The following GANAB variants were observed in gnomAD, a reference collection of about 807,000 sequenced individuals.
GANAB encodes neutral alpha-glucosidase AB.
In GANAB, 35 loss-of-function variants were observed where a neutral mutation model predicts 129.9. That is an observed-to-expected ratio of 0.27 (90% CI 0.21 to 0.36). GANAB has a LOEUF of 0.36. Among genes scored for constraint, GANAB ranks in the 10% least tolerant of loss-of-function variants. The pLI is 1.00. For missense variants in GANAB, 939 were observed against 1,221.0 expected (o/e 0.77, Z 3.44); for synonymous variants, 482 against 451.8 (o/e 1.07, Z -0.85).
At chr11:62,633,319 T>C (rs1400867580) in intron 6 of GANAB, 48 bp from the exon 7 acceptor site, 4 of 1,562,790 alleles carry the variant, frequency 2.6e-6, no homozygotes, top group African/African-American at 2.7e-5. Context: ...CAGTTCTCTC[T>C]TTCCCCGCTC....
intron 1 of GANAB, among the ~76,000 whole-genome samples, chr11:62,644,219 C>T (rs1300819962): frequency 2.0e-5 from 3 of 152,098 alleles, no homozygotes; most frequent in African/African-American, 7.2e-5. Flanking sequence ...GCTGGGATTA[C>T]AGGTGTGAGC....
chr11:62,642,872 G>T (rs1375739655), intron 1 of GANAB, among the ~76,000 whole-genome samples: 2 of 152,054 alleles, frequency 1.3e-5, no homozygotes, highest in Non-Finnish European at 2.9e-5. Flanking sequence ...TTCCAGATGG[G>T]AAAATTAAAG....
Position 62,633,241 on chromosome 11 carries a change from C to G in GANAB, c.661G>C (p.Asp221His), listed in dbSNP as rs765645798. Residue 221 changes from aspartate (D) to histidine (H), a missense_variant, in exon 7 of 24, where the codon GAT (aspartate) becomes CAT (histidine). By Grantham distance (81) the Asp-to-His change is moderately conservative (BLOSUM62 -1). This residue lies in a region of GANAB where 321 missense variants were observed against 329.1 expected (regional missense o/e 0.98). Transcript: ENST00000356638. ...GTCTCCTCCCAGGCTCCTGGCTCATCTTTCTCTGCCTTCCCCTGAGTCTCC... is the reference window on the plus strand; with the variant it reads ...GTCTCCTCCCAGGCTCCTGGCTCATGTTTCTCTGCCTTCCCCTGAGTCTCC... ...PEETQGKAEK[D>H]EPGAWEETFK... is the part of the protein sequence containing the mutation. 3.7e-6 allele frequency: 6 copies of G among 1,614,002 alleles called. No homozygotes were observed. The Admixed American group carries it at 5.0e-5, about 13-fold the overall frequency.
In GANAB at chr11:62,633,169, AC is replaced by A. The variant is rs1943770502; in HGVS notation, c.718+14del. On this transcript the variant is annotated intron_variant, in intron 7 of 23. Transcript: ENST00000356638. ...GGAGCCCTGCACCCCAGCCCAAGGA[AC>A]CCGAGCCCCTCACCATACGGCTTGC... is the stretch of plus-strand genomic sequence containing the variant. The A allele has an allele frequency of 6.2e-7, 1 of 1,611,028 alleles. No individual in the cohort carries two copies. The highest frequency in any genetic ancestry group is 8.5e-7 in the Non-Finnish European group (1 of 1,177,436).
Position 62,628,993 on chromosome 11 carries a change from G to T in GANAB, c.1956C>A (p.Phe652Leu), listed in dbSNP as rs1565092530. ...CAAGCAGCTCTGGCTCTGGGTTTTTGAAGAAGCCACCCACATCCGCTGGTA... is the reference window on the plus strand; with the variant it reads ...CAAGCAGCTCTGGCTCTGGGTTTTTTAAGAAGCCACCCACATCCGCTGGTA... ...SFCGADVGGFFKNPEPELLVR... is the reference protein window; with the variant it reads ...SFCGADVGGFLKNPEPELLVR... Residue 652 changes from phenylalanine (F) to leucine (L), a missense_variant, in exon 17 of 24, where the codon TTC (phenylalanine) becomes TTA (leucine). Physicochemically the swap from Phe to Leu is conservative, Grantham distance 22 (BLOSUM62 0). This residue lies in a region of GANAB where 147 missense variants were observed against 282.4 expected (regional missense o/e 0.52). Coordinates refer to ENST00000356638, the MANE Select transcript of GANAB (RefSeq NM_198334.3). The T allele has an allele frequency of 1.2e-6, 2 of 1,613,002 alleles. No individual in the cohort carries two copies. Among genetic ancestry groups the T allele is most frequent in the Admixed American group, 1.7e-5 (1 of 59,986 alleles).
At chr11:62,645,898 T>C (rs1256083314) in intron 1 of GANAB, among the ~76,000 whole-genome samples, 10 of 152,134 alleles carry the variant, frequency 6.6e-5, no homozygotes. Flanking sequence ...GCACTGGTGA[T>C]ATGTTTCGAA....
chr11:62,646,565 C>A lies in GANAB; in HGVS notation c.35G>T (p.Arg12Met). Residue 12 changes from arginine to methionine, a missense_variant, in exon 1 of 24, where the codon AGG (arginine) becomes ATG (methionine). Arg to Met is a moderately conservative substitution (Grantham distance 91). Around this residue, in one of 5 missense-constraint regions of GANAB, gnomAD observed 321 missense variants for 329.1 expected, o/e 0.98. Transcript: ENST00000356638. Reference protein sequence around the residue: ...AAVAAVAARRRRSWASLVLAF... With the variant: ...AAVAAVAARRMRSWASLVLAF... ...CCCCAGATTCCGGGCTCCTCACCGCCTCCTACGCGCCGCCACTGCCGCTAC... is the reference window on the plus strand; with the variant it reads ...CCCCAGATTCCGGGCTCCTCACCGCATCCTACGCGCCGCCACTGCCGCTAC... 6.2e-7 allele frequency: 1 copy of A among 1,613,696 alleles called. No homozygotes were observed. Among genetic ancestry groups the A allele is most frequent in the Non-Finnish European group, 8.5e-7 (1 of 1,179,932 alleles).
chr11:62,629,737 T>C, intron 14 of GANAB, 53 bp from the exon 15 acceptor site: 1 of 1,604,310 alleles, frequency 6.2e-7, no homozygotes. Flanking sequence ...AGCTGTCATC[T>C]GGTGCAAGTT....
chr11:62,631,336 T>C (rs1221248244), intron 9 of GANAB, among the ~76,000 whole-genome samples, 153 bp from the exon 10 acceptor site: 1 of 152,066 alleles, frequency 6.6e-6, no homozygotes, highest in Non-Finnish European at 1.5e-5. Flanking sequence ...TCAGTGAGGC[T>C]TTCCTAGACC....
Position 62,635,015 on chromosome 11 carries a change from A to G in GANAB, c.381-15T>C, listed in dbSNP as rs978141870. On this transcript the variant is annotated splice_polypyrimidine_tract_variant and intron_variant, in intron 4 of 23. Transcript: ENST00000356638. Reference sequence around the variant, plus strand: ...AGACAGAAAGCCTGGGAAACATATCAAAAGAAATATAAGGAAGTACAAAGG... The same window carrying G: ...AGACAGAAAGCCTGGGAAACATATCGAAAGAAATATAAGGAAGTACAAAGG... 1 of 1,598,566 alleles carries G rather than the reference A, an allele frequency of 6.3e-7. No individual in the cohort carries two copies. The highest frequency in any genetic ancestry group is 8.6e-7 in the Non-Finnish European group (1 of 1,167,188).
Position 62,629,560 on chromosome 11 carries a change from T to C in GANAB, c.1834+28A>G, listed in dbSNP as rs761781881. 2.7e-6 allele frequency: 4 copies of C among 1,482,384 alleles called. No homozygotes were observed. The African/African-American group carries it at 5.6e-5, about 21-fold the overall frequency. The allele number at this position is 1,482,384 out of a possible 1,614,324, so 91.8% of individuals were successfully genotyped here. A position where few individuals can be genotyped will look rare whatever the true frequency, so the allele number is the denominator to read the frequency against. On this transcript the variant is annotated intron_variant, in intron 15 of 23. Transcript: ENST00000356638. The stretch of plus-strand genomic sequence containing the variant: ...CTGAGATCTGGCCTTCACACCCTTC[T>C]GCCACAGCTCCATTCTCTAAACCTT...
intron 1 of GANAB, among the ~76,000 whole-genome samples, chr11:62,644,540 G>C (rs953801556): frequency 6.6e-6 from 1 of 151,952 alleles, no homozygotes; most frequent in African/African-American, 2.4e-5. Flanking sequence ...AGGACTGCCT[G>C]AACGCAAGAG....
At chr11:62,638,930 A>T in intron 4 of GANAB, 53 bp downstream of exon 4, 1 of 1,594,752 alleles carries the variant, frequency 6.3e-7, no homozygotes, top group Non-Finnish European at 8.6e-7. Context: ...AAAAAGGTTC[A>T]TCAGGAAGGA....
rs556867025 is a variant in GANAB, at chr11:62,625,292, C to G, written c.*523G>C. ...ACTCCTTTGATCCATTCATCCTGTCCGGGGTAAGGGGTGGTCCCAGTGTAT... is the reference window on the plus strand; with the variant it reads ...ACTCCTTTGATCCATTCATCCTGTCGGGGGTAAGGGGTGGTCCCAGTGTAT... On this transcript the variant is annotated 3_prime_UTR_variant, in exon 24 of 24. Coordinates refer to ENST00000356638, the MANE Select transcript of GANAB (RefSeq NM_198334.3). 16 of 455,726 alleles carry G rather than the reference C, an allele frequency of 3.5e-5. No individual in the cohort carries two copies. The highest frequency in any genetic ancestry group is 3.0e-4 in the African/African-American group (15 of 49,870). The allele number at this position is 455,726 out of a possible 1,614,324, so 28.2% of individuals were successfully genotyped here. A position where few individuals can be genotyped will look rare whatever the true frequency, so the allele number is the denominator to read the frequency against.
Position 62,625,851 on chromosome 11 carries a change from G to C in GANAB, c.2799C>G (p.Ile933Met). 1 of 1,613,304 alleles carries C rather than the reference G, an allele frequency of 6.2e-7. No homozygotes were observed. The highest frequency in any genetic ancestry group is 8.5e-7 in the Non-Finnish European group (1 of 1,179,318). Reference sequence around the variant, plus strand: ...GAATACTCCAATCAGATGCCACATTGATGCCAGGCTTGCGCAGGACCAACA... The same window carrying C: ...GAATACTCCAATCAGATGCCACATTCATGCCAGGCTTGCGCAGGACCAACA... ...TSVLVLRKPG[I>M]NVASDWSIHL... Residue 933 changes from isoleucine (I) to methionine (M), a missense_variant, in exon 24 of 24, where the codon ATC (isoleucine) becomes ATG (methionine). Physicochemically the swap from Ile to Met is conservative, Grantham distance 10. This residue lies in a region of GANAB where 230 missense variants were observed against 259.9 expected (regional missense o/e 0.89). Coordinates refer to ENST00000356638, the MANE Select transcript of GANAB (RefSeq NM_198334.3).
Position 62,646,603 on chromosome 11 carries a change from G to A in GANAB, c.-4C>T, listed in dbSNP as rs777032585. On this transcript the variant is annotated 5_prime_UTR_variant, in exon 1 of 24. Coordinates refer to ENST00000356638, the MANE Select transcript of GANAB (RefSeq NM_198334.3). ...CCACTGCCGCTACCGCCGCCATCTTGTGCAGAGTTTGCTCCTTGACCCCAA... is the reference window on the plus strand; with the variant it reads ...CCACTGCCGCTACCGCCGCCATCTTATGCAGAGTTTGCTCCTTGACCCCAA... 1.2e-6 allele frequency: 2 copies of A among 1,614,016 alleles called. No individual in the cohort carries two copies. The highest frequency in any genetic ancestry group is 1.6e-4 in the Middle Eastern group (1 of 6,062).
intron 4 of GANAB, among the ~76,000 whole-genome samples, chr11:62,638,087 A>G (rs749056804): frequency 6.6e-6 from 1 of 152,220 alleles, no homozygotes; most frequent in Non-Finnish European, 1.5e-5. Context: ...AAGCTTCAGA[A>G]TAACGACTAC....
intron 1 of GANAB, among the ~76,000 whole-genome samples, chr11:62,642,359 G>T (rs1413285256): frequency 6.6e-6 from 1 of 151,936 alleles, no homozygotes; most frequent in Non-Finnish European, 1.5e-5. Flanking sequence ...CAGCCTGCCT[G>T]CAGTTTTTAA....
At chr11:62,641,126 T>C (rs1331543929) in intron 1 of GANAB, among the ~76,000 whole-genome samples, 1 of 151,710 alleles carries the variant, frequency 6.6e-6, no homozygotes, top group Non-Finnish European at 1.5e-5. Flanking sequence ...GGTGGATCAC[T>C]TGAGGTCAGG....
Sources: gnomAD v4.1 joint callset for allele counts (sites outside exome capture counted in the v4.1 genomes callset) on GRCh38, gnomAD v4.1.1 for gene constraint, gnomAD v4.1.1 regional missense constraint, MANE v1.5 for transcripts, NCBI Gene and HGNC (gene_info 2026-07-23, HGNC 2026-07-21) for gene names.